The following GK5 variants were observed in gnomAD, a reference collection of about 807,000 sequenced individuals.
The protein encoded by GK5 is ATP:glycerol 3-phosphotransferase 5.
Under a neutral mutation model 77.3 loss-of-function variants are expected in GK5, and 39 were observed. The observed-to-expected ratio is 0.50, with a 90% CI of 0.39 to 0.66. GK5 has a LOEUF of 0.66. Ranked by LOEUF, GK5 falls within the 30% of genes least tolerant of loss-of-function variation. The pLI is 0.00. For synonymous variants in GK5, 211 were observed against 208.0 expected, an observed-to-expected ratio of 1.01 and a Z score of -0.13; for missense variants, 487 against 633.8, an observed-to-expected ratio of 0.77 and a Z score of 2.49.
At chr3:142,172,697 A>G (rs1213277937) in intron 12 of GK5, among the ~76,000 whole-genome samples, 1 of 152,230 alleles carries the variant, frequency 6.6e-6, no homozygotes, top group Non-Finnish European at 1.5e-5. Context: ...GAGGAACTGA[A>G]GCATATAGTA....
intron 5 of GK5, among the ~76,000 whole-genome samples, chr3:142,195,511 TTTTTTAA>T (rs950969734): frequency 6.6e-6 from 1 of 152,144 alleles, no homozygotes; most frequent in Non-Finnish European, 1.5e-5. Context: ...ACCCAGCTAA[TTTTTTAA>T]TTTTTAATTT....
At chr3:142,169,669 CTT>C (rs71304258) in intron 15 of GK5, among the ~76,000 whole-genome samples, 9 of 116,902 alleles carry the variant, frequency 7.7e-5, no homozygotes, top group African/African-American at 1.7e-4. Context: ...CCTTACTGTT[CTT>C]TTTTTTTTTT....
At position 142,182,350 on chromosome 3, in the gene GK5, A is replaced by ATTTT. The variant is rs144059110; in HGVS notation, c.943+569_943+572dup. ...AAAAATTTAGAACCCTAGTAAGAAG[A>ATTTT]TTTTTTTTTTTGGAGACAGAGTCTC... On this transcript the variant is annotated intron_variant, in intron 10 of 15. Coordinates refer to ENST00000392993, the MANE Select transcript of GK5 (RefSeq NM_001039547.3). Among the ~76,000 whole-genome samples, 133 of 147,862 alleles carry ATTTT rather than the reference A, an allele frequency of 9.0e-4. 1 individual carries two copies. The highest frequency in any genetic ancestry group is 3.2e-3 in the African/African-American group (129 of 40,408).
At chr3:142,216,677 G>A (rs2064280536) in intron 1 of GK5, among the ~76,000 whole-genome samples, 1 of 152,122 alleles carries the variant, frequency 6.6e-6, no homozygotes, top group Non-Finnish European at 1.5e-5. Flanking sequence ...AGAGAGGGAG[G>A]AACTTGGAAA....
chr3:142,224,919 G>A (rs1287427594), intron 1 of GK5, among the ~76,000 whole-genome samples: 2 of 152,204 alleles, frequency 1.3e-5, no homozygotes, highest in Admixed American at 1.3e-4. Context: ...GGAAGTGCAG[G>A]AAGAACCAAG....
chr3:142,190,916 C>T (rs2063839197), intron 5 of GK5, among the ~76,000 whole-genome samples: 1 of 152,062 alleles, frequency 6.6e-6, no homozygotes, highest in African/African-American at 2.4e-5. Flanking sequence ...TACACAGAAA[C>T]ATCCTTTGCA....
At chr3:142,167,310 G>T (rs1560207836) in intron 15 of GK5, among the ~76,000 whole-genome samples, 1 of 151,808 alleles carries the variant, frequency 6.6e-6, no homozygotes, top group African/African-American at 2.4e-5. Flanking sequence ...GGAGGCGGAG[G>T]TTGCAATGAC....
At chr3:142,179,743 T>G (rs1355622093) in intron 11 of GK5, among the ~76,000 whole-genome samples, 3 of 152,210 alleles carry the variant, frequency 2.0e-5, no homozygotes, top group Non-Finnish European at 4.4e-5. Context: ...CCACTTAATC[T>G]GTTGTCAAAT....
At chr3:142,211,146 C>T (rs1323587613) in intron 3 of GK5, among the ~76,000 whole-genome samples, 8 of 152,164 alleles carry the variant, frequency 5.3e-5, no homozygotes, top group African/African-American at 1.7e-4. Context: ...CCCCAGGGGA[C>T]GTTCAGCAAT....
intron 1 of GK5, among the ~76,000 whole-genome samples, chr3:142,220,864 G>A (rs1188116634): frequency 4.6e-5 from 7 of 152,190 alleles, no homozygotes; most frequent in African/African-American, 9.7e-5. Flanking sequence ...GGGGTTGTAC[G>A]TAGGACTGGT....
intron 5 of GK5, among the ~76,000 whole-genome samples, chr3:142,189,830 T>C (rs1242515634): frequency 2.0e-5 from 3 of 152,236 alleles, no homozygotes; most frequent in African/African-American, 7.2e-5. Flanking sequence ...ACTGGAAGAA[T>C]GGAAGAAACA....
At chr3:142,193,551 C>T (rs1225145449) in intron 5 of GK5, among the ~76,000 whole-genome samples, 1 of 150,800 alleles carries the variant, frequency 6.6e-6, no homozygotes, top group African/African-American at 2.4e-5. Flanking sequence ...TAGATAAATT[C>T]GAAGAATACT....
Position 142,161,816 on chromosome 3 carries a change from T to C in GK5, c.*3806A>G, listed in dbSNP as rs2063427861. 1 of 152,182 alleles carries C rather than the reference T, an allele frequency of 6.6e-6. No homozygotes were observed. Among genetic ancestry groups the C allele is most frequent in the South Asian group, 2.1e-4 (1 of 4,820 alleles). The allele number at this position is 152,182 out of a possible 1,614,324, so 9.4% of individuals were successfully genotyped here. On this transcript the variant is annotated 3_prime_UTR_variant, in exon 16 of 16. Coordinates refer to ENST00000392993, the MANE Select transcript of GK5 (RefSeq NM_001039547.3). ...TTGATTGATTGATTGATTGATTGAT[T>C]GAGACAGGGTCTCACTTTGCCACCC...
Position 142,204,796 on chromosome 3 carries a change from G to C in GK5, c.318-8C>G, listed in dbSNP as rs1021227008. On this transcript the variant is annotated splice_region_variant and splice_polypyrimidine_tract_variant and intron_variant, in intron 3 of 15. Transcript: ENST00000392993. ...AAATGATTTCCTGTTTTCCTAGAAAGAATAAAACAGTATTTTGAGACCCAG... is the reference window on the plus strand; with the variant it reads ...AAATGATTTCCTGTTTTCCTAGAAACAATAAAACAGTATTTTGAGACCCAG... 1.4e-6 allele frequency: 2 copies of C among 1,436,278 alleles called. No individual in the cohort carries two copies. Among genetic ancestry groups the C allele is most frequent in the Non-Finnish European group, 1.9e-6 (2 of 1,034,090 alleles). 89.0% of individuals were successfully genotyped at this position (1,436,278 alleles called of 1,614,324 possible).
intron 1 of GK5, among the ~76,000 whole-genome samples, chr3:142,219,281 A>T (rs1408098391): frequency 3.3e-5 from 5 of 152,230 alleles, no homozygotes; most frequent in African/African-American, 1.2e-4. Context: ...AAATCTGTAC[A>T]CTAATGTTTA....
At chr3:142,208,473 T>C (rs191401660) in intron 3 of GK5, among the ~76,000 whole-genome samples, 95 of 152,326 alleles carry the variant, frequency 6.2e-4, no homozygotes, top group Non-Finnish European at 1.2e-3. Flanking sequence ...TTGTATATGG[T>C]ATTAGGTAAG....
intron 11 of GK5, among the ~76,000 whole-genome samples, chr3:142,178,140 G>T (rs11922623): frequency 0.13 from 19,932 of 152,030 alleles, 1,481 homozygotes; most frequent in Middle Eastern, 0.21. Context: ...ATACAGGCGT[G>T]AGCCGCCACA....
Position 142,172,372 on chromosome 3 carries a change from A to C in GK5, c.1228T>G (p.Leu410Val). Residue 410 changes from leucine (L) to valine (V), a missense_variant, in exon 13 of 16, where the codon TTG (leucine) becomes GTG (valine). This residue lies in a region of GK5 where 323 missense variants were observed against 437.4 expected (regional missense o/e 0.74). Transcript: ENST00000392993. ...TSKYHLVRAILESIAFRNKQL... is the reference protein window; with the variant it reads ...TSKYHLVRAIVESIAFRNKQL... ...TCATACCTGAAAGCTATTGACTCCAATATTGCTCGTACAAGATGGTATTTA... is the reference window on the plus strand; with the variant it reads ...TCATACCTGAAAGCTATTGACTCCACTATTGCTCGTACAAGATGGTATTTA... 1 of 1,593,148 alleles carries C rather than the reference A, an allele frequency of 6.3e-7. No individual in the cohort carries two copies. Among genetic ancestry groups the C allele is most frequent in the Non-Finnish European group, 8.6e-7 (1 of 1,164,830 alleles).
In GK5 at chr3:142,193,219, T is replaced by C. The variant is rs140285470; in HGVS notation, c.544-5440A>G. ...TATGGAAACTATATTTACTGCTGAA[T>C]GTTTCTGTAAACCTAAAACTACTCT... On this transcript the variant is annotated intron_variant, in intron 5 of 15. Transcript: ENST00000392993. 7.1e-4 allele frequency among the ~76,000 whole-genome samples: 108 copies of C among 152,340 alleles called. 1 individual carries two copies. Among genetic ancestry groups the C allele is most frequent in the Non-Finnish European group, 1.5e-4 (10 of 68,022 alleles).
Sources: gnomAD v4.1 joint callset for allele counts (sites outside exome capture counted in the v4.1 genomes callset) on GRCh38, gnomAD v4.1.1 for gene constraint, gnomAD v4.1.1 regional missense constraint, MANE v1.5 for transcripts, NCBI Gene and HGNC (gene_info 2026-07-23, HGNC 2026-07-21) for gene names.